The following CDH8 variants were observed in gnomAD, a reference collection of about 807,000 sequenced individuals.
CDH8 encodes the protein cadherin 8, also known as cadherin-8.
A neutral mutation model predicts 68.1 loss-of-function variants in CDH8; 17 were observed. The ratio of observed to expected loss-of-function variants is 0.25; its 90% confidence interval spans 0.17 to 0.37. CDH8 has a LOEUF of 0.37. Ranked by LOEUF, CDH8 falls within the 10% of genes least tolerant of loss-of-function variation. The pLI, the probability that CDH8 is intolerant of heterozygous loss-of-function variation, is 1.00. For missense variants in CDH8, 763 were observed against 999.3 expected (o/e 0.76, Z 3.19); for synonymous variants, 372 against 365.1 (o/e 1.02, Z -0.21).
chr16:61,825,842 A>C (rs1962319068), intron 4 of CDH8, among the ~76,000 whole-genome samples: 1 of 151,922 alleles, frequency 6.6e-6, no homozygotes, highest in African/African-American at 2.4e-5. Context: ...TAAAATATAA[A>C]ATTACATAAA....
intron 3 of CDH8, among the ~76,000 whole-genome samples, chr16:61,898,824 G>A (rs1180257570): frequency 1.3e-5 from 2 of 152,056 alleles, no homozygotes; most frequent in Admixed American, 6.6e-5. Context: ...CATGTTGTAC[G>A]TGGGATTTGA....
chr16:61,676,235 T>C (rs1427599630), intron 10 of CDH8, among the ~76,000 whole-genome samples: 1 of 149,566 alleles, frequency 6.7e-6, no homozygotes, highest in African/African-American at 2.4e-5. Context: ...AAAAAATATA[T>C]ATAAATATAC....
intron 10 of CDH8, among the ~76,000 whole-genome samples, chr16:61,697,965 A>G (rs1048100426): frequency 2.0e-5 from 3 of 152,208 alleles, no homozygotes; most frequent in Admixed American, 1.3e-4. Flanking sequence ...TTTAAACACT[A>G]GACTTTTTTA....
intron 2 of CDH8, among the ~76,000 whole-genome samples, chr16:62,010,353 A>G (rs1412713719): frequency 2.6e-5 from 4 of 152,152 alleles, no homozygotes; most frequent in Non-Finnish European, 5.9e-5. Context: ...CACCTACCAC[A>G]TAAGGTTCAA....
chr16:61,799,584 G>A (rs1327634712), intron 7 of CDH8, among the ~76,000 whole-genome samples: 20 of 151,946 alleles, frequency 1.3e-4, no homozygotes, highest in Admixed American at 1.3e-3. Context: ...ATAATATCTT[G>A]ACCATAGTAT....
intron 3 of CDH8, among the ~76,000 whole-genome samples, chr16:61,873,791 C>A (rs1219958360): frequency 2.6e-5 from 4 of 152,166 alleles, no homozygotes; most frequent in African/African-American, 9.7e-5. Flanking sequence ...TGAGGTGGCT[C>A]ACGCCTGTAA....
At chr16:61,833,103 C>T (rs997833554) in intron 4 of CDH8, among the ~76,000 whole-genome samples, 1 of 151,430 alleles carries the variant, frequency 6.6e-6, no homozygotes, top group African/African-American at 2.4e-5. Context: ...ATATACAAAA[C>T]GTTATTAATT....
At chr16:61,819,350 C>T (rs1000792317) in intron 6 of CDH8, among the ~76,000 whole-genome samples, 2 of 151,824 alleles carry the variant, frequency 1.3e-5, no homozygotes, top group Non-Finnish European at 2.9e-5. Context: ...AAGTAAATGG[C>T]TAATTGTTTC....
At chr16:61,954,715 A>G (rs943197891) in intron 2 of CDH8, among the ~76,000 whole-genome samples, 2 of 149,118 alleles carry the variant, frequency 1.3e-5, no homozygotes, top group African/African-American at 5.0e-5. Flanking sequence ...AAAAAAAAAA[A>G]AAGAAAGAAA....
intron 2 of CDH8, among the ~76,000 whole-genome samples, chr16:61,979,270 T>G (rs1255287431): frequency 6.6e-6 from 1 of 152,124 alleles, no homozygotes; most frequent in Non-Finnish European, 1.5e-5. Context: ...ATGACACAGG[T>G]GGATTGAAGA....
intron 8 of CDH8, among the ~76,000 whole-genome samples, chr16:61,745,690 C>T (rs72796899): frequency 0.08 from 12,033 of 150,812 alleles, 546 homozygotes; most frequent in African/African-American, 0.1. Context: ...CAGCTTCAGA[C>T]CTTTTCTTTG....
chr16:61,782,672 C>T lies in CDH8; in HGVS notation c.1414+6674G>A, dbSNP rs1007700165. On this transcript the variant is annotated intron_variant, in intron 8 of 11. Coordinates refer to ENST00000577390, the MANE Select transcript of CDH8 (RefSeq NM_001796.5). ...AACAAAAAGACAGCAGTAACCTCTG[C>T]AGACTTAAATGTCCCTGTCTGACAG... 1.0e-3 allele frequency among the ~76,000 whole-genome samples: 153 copies of T among 152,234 alleles called. 1 individual carries two copies. Among genetic ancestry groups the T allele is most frequent in the Admixed American group, 2.2e-3 (33 of 15,300 alleles).
chr16:61,668,598 G>T (rs1339234740), intron 10 of CDH8, among the ~76,000 whole-genome samples: 1 of 150,112 alleles, frequency 6.7e-6, no homozygotes, highest in African/African-American at 2.5e-5. Flanking sequence ...GATCTAGAAA[G>T]AATATTTTAT....
intron 2 of CDH8, among the ~76,000 whole-genome samples, chr16:61,980,753 C>T (rs535857247): frequency 5.3e-5 from 8 of 152,316 alleles, no homozygotes; most frequent in Non-Finnish European, 7.4e-5. Context: ...AGTTTGCCAA[C>T]TTCTGAACTC....
intron 2 of CDH8, among the ~76,000 whole-genome samples, chr16:61,999,221 T>A (rs975020303): frequency 3.3e-5 from 5 of 152,194 alleles, no homozygotes; most frequent in Non-Finnish European, 7.4e-5. Context: ...ATATAAAGAT[T>A]ACCAAATATT....
At chr16:61,693,459 T>C (rs4372683) in intron 10 of CDH8, 32,229 of 152,016 alleles carry the variant, frequency 0.21, 3,782 homozygotes, top group Middle Eastern at 0.29. Flanking sequence ...TAAGAAAAGT[T>C]TGTGCACTCT....
chr16:61,884,977 G>GA (rs1963647253), intron 3 of CDH8, among the ~76,000 whole-genome samples: 1 of 151,236 alleles, frequency 6.6e-6, no homozygotes. Flanking sequence ...GAACCAGAAG[G>GA]AAAAAAAAGG....
intron 3 of CDH8, among the ~76,000 whole-genome samples, chr16:61,897,594 C>A (rs1453802728): frequency 1.3e-5 from 2 of 152,130 alleles, no homozygotes; most frequent in Non-Finnish European, 2.9e-5. Flanking sequence ...GCCTCTGACA[C>A]ACAATCAATA....
chr16:61,924,084 G>T (rs2143426249), intron 2 of CDH8, among the ~76,000 whole-genome samples: 1 of 151,764 alleles, frequency 6.6e-6, no homozygotes, highest in African/African-American at 2.4e-5. Flanking sequence ...ACACTATGAG[G>T]ACCGCTGACT....
Sources: gnomAD v4.1 joint callset for allele counts (sites outside exome capture counted in the v4.1 genomes callset) on GRCh38, gnomAD v4.1.1 for gene constraint, MANE v1.5 for transcripts, NCBI Gene and HGNC (gene_info 2026-07-23, HGNC 2026-07-21) for gene names.